The following SLC9A9 variants were observed in gnomAD, a reference collection of about 807,000 sequenced individuals.
SLC9A9 encodes sodium/hydrogen exchanger 9.
In SLC9A9, 62 loss-of-function variants were observed where a neutral mutation model predicts 77.8. The observed-to-expected ratio is 0.80, with a 90% confidence interval of 0.65 to 0.98. SLC9A9 has a LOEUF of 0.98. Among genes scored for constraint, SLC9A9 ranks in the 50% least tolerant of loss-of-function variants. SLC9A9 has a pLI of 0.00. For missense variants in SLC9A9, 775 were observed against 774.9 expected (o/e 1.00, Z 0.00); for synonymous variants, 320 against 283.5 (o/e 1.13, Z -1.29).
intron 13 of SLC9A9, among the ~76,000 whole-genome samples, chr3:143,363,851 C>T (rs1463235566): frequency 1.3e-5 from 2 of 151,816 alleles, no homozygotes; most frequent in Non-Finnish European, 2.9e-5. Flanking sequence ...ACATTTCTGC[C>T]ATAGTGCTGT....
intron 12 of SLC9A9, among the ~76,000 whole-genome samples, chr3:143,431,863 T>G (rs1282368166): frequency 6.6e-6 from 1 of 152,168 alleles, no homozygotes; most frequent in Admixed American, 6.5e-5. Context: ...CCACTTGATG[T>G]TCCTCCAATT....
intron 8 of SLC9A9, among the ~76,000 whole-genome samples, chr3:143,566,005 G>A (rs1353517414): frequency 6.6e-6 from 1 of 152,076 alleles, no homozygotes; most frequent in African/African-American, 2.4e-5. Flanking sequence ...ATTCACCTCT[G>A]AGCTAAAAGC....
chr3:143,279,682 A>G (rs768091290), intron 14 of SLC9A9, among the ~76,000 whole-genome samples: 11 of 151,858 alleles, frequency 7.2e-5, no homozygotes, highest in Non-Finnish European at 1.5e-4. Context: ...TTCTGTTCCT[A>G]TGTTAGTTTG....
Position 143,467,107 on chromosome 3 carries a change from G to A in SLC9A9, c.1399C>T (p.Leu467Phe), listed in dbSNP as rs1178214592. Residue 467 changes from leucine (L) to phenylalanine (F), a missense_variant, in exon 12 of 16, where the codon CTC becomes TTC. By Grantham distance (22) the Leu-to-Phe change is conservative. Coordinates refer to ENST00000316549, the MANE Select transcript of SLC9A9 (RefSeq NM_173653.4). Reference sequence around the variant, plus strand: ...ACCCAGACAGTGAAGAACACGAGGAGCAGCGTAGTGGTAAACATCATTTGT... The same window carrying A: ...ACCCAGACAGTGAAGAACACGAGGAACAGCGTAGTGGTAAACATCATTTGT... The part of the protein sequence containing the change: ...PKQMMFTTTL[L>F]LVFFTVWVFG... 1 of 1,614,040 alleles carries A rather than the reference G, an allele frequency of 6.2e-7. No individual in the cohort carries two copies. The highest frequency in any genetic ancestry group is 1.3e-5 in the African/African-American group (1 of 74,946).
At chr3:143,722,270 G>A (rs1207246881) in intron 4 of SLC9A9, among the ~76,000 whole-genome samples, 15 of 152,080 alleles carry the variant, frequency 9.9e-5, no homozygotes, top group Middle Eastern at 3.4e-3. Flanking sequence ...TCAGGAGATC[G>A]AGACCATCCT....
intron 4 of SLC9A9, among the ~76,000 whole-genome samples, chr3:143,728,502 G>C (rs2108808077): frequency 6.6e-6 from 1 of 152,298 alleles, no homozygotes; most frequent in South Asian, 2.1e-4. Context: ...GATCAGCACG[G>C]AGAGGAAGGC....
At chr3:143,511,693 C>T (rs1193018554) in intron 9 of SLC9A9, among the ~76,000 whole-genome samples, 1 of 152,160 alleles carries the variant, frequency 6.6e-6, no homozygotes, top group African/African-American at 2.4e-5. Context: ...GGGGGTATGA[C>T]GTAGTCTGTG....
At chr3:143,550,600 C>A (rs547306128) in intron 9 of SLC9A9, among the ~76,000 whole-genome samples, 4 of 152,270 alleles carry the variant, frequency 2.6e-5, no homozygotes, top group Admixed American at 2.0e-4. Context: ...GCAAAGCCCA[C>A]CAGTCAAGCC....
rs529381132 is a variant in SLC9A9 at position 143,641,931 on chromosome 3, A to G, written c.755+10324T>C. On this transcript the variant is annotated intron_variant, in intron 6 of 15. Transcript: ENST00000316549. ...CCCGCCACTCCCATTAACTATCATC[A>G]CTATTATTGTCATAGTCATGCCTTA... is the stretch of plus-strand genomic sequence containing the variant. Among the ~76,000 whole-genome samples, 6 of 152,262 alleles carry G rather than the reference A, an allele frequency of 3.9e-5. No homozygotes were observed. In the East Asian group the frequency reaches 1.2e-3, roughly 29 times the overall value.
At chr3:143,496,433 T>C (rs2035834138) in intron 9 of SLC9A9, among the ~76,000 whole-genome samples, 1 of 152,256 alleles carries the variant, frequency 6.6e-6, no homozygotes, top group African/African-American at 2.4e-5. Flanking sequence ...TAAGGACTCA[T>C]TATTTTTTCA....
intron 14 of SLC9A9, among the ~76,000 whole-genome samples, chr3:143,310,528 CAA>C (rs397754793): frequency 3.0e-4 from 34 of 115,142 alleles, no homozygotes; most frequent in Admixed American, 4.2e-4. Flanking sequence ...AGTCTTCTAT[CAA>C]AAAAAAAAAA....
chr3:143,566,976 G>A (rs6781705), intron 8 of SLC9A9, among the ~76,000 whole-genome samples: 99,350 of 152,004 alleles, frequency 0.65, 33,227 homozygotes, highest in African/African-American at 0.8. Context: ...CAATTCCATT[G>A]GAGATATGCT....
At chr3:143,829,133 T>C (rs994381144) in intron 2 of SLC9A9, among the ~76,000 whole-genome samples, 1 of 152,186 alleles carries the variant, frequency 6.6e-6, no homozygotes, top group Non-Finnish European at 1.5e-5. Flanking sequence ...TGAGGTTCAA[T>C]TTAATGAGGT....
At chr3:143,823,848 T>C (rs947595136) in intron 2 of SLC9A9, among the ~76,000 whole-genome samples, 4 of 152,086 alleles carry the variant, frequency 2.6e-5, no homozygotes. Flanking sequence ...AAGGATGATT[T>C]TGGTGTGCAA....
intron 6 of SLC9A9, among the ~76,000 whole-genome samples, chr3:143,617,525 T>G (rs543647264): frequency 5.9e-5 from 9 of 152,364 alleles, no homozygotes; most frequent in African/African-American, 1.9e-4. Flanking sequence ...GTCTTTTCAT[T>G]TATTAGTTTA....
chr3:143,507,112 TC>T (rs35273688), intron 9 of SLC9A9, among the ~76,000 whole-genome samples: 31,489 of 151,808 alleles, frequency 0.21, 3,549 homozygotes, highest in Middle Eastern at 0.33. Flanking sequence ...AATTTTAGGT[TC>T]ATAGCAAAAT....
At chr3:143,476,628 T>C (rs2035482735) in intron 11 of SLC9A9, among the ~76,000 whole-genome samples, 2 of 152,230 alleles carry the variant, frequency 1.3e-5, no homozygotes, top group South Asian at 4.1e-4. Flanking sequence ...AAGGCTAACA[T>C]AGATCGGAAG....
chr3:143,594,563 T>C (rs2037720671), intron 6 of SLC9A9, among the ~76,000 whole-genome samples: 1 of 152,174 alleles, frequency 6.6e-6, no homozygotes, highest in South Asian at 2.1e-4. Flanking sequence ...CAAGCTCTTC[T>C]GCATTTTGAT....
chr3:143,836,608 A>G (rs1211530466), intron 1 of SLC9A9, among the ~76,000 whole-genome samples: 1 of 152,204 alleles, frequency 6.6e-6, no homozygotes, highest in Non-Finnish European at 1.5e-5. Flanking sequence ...GAGAAGAAAG[A>G]AGAGAGGGGA....
Sources: allele counts gnomAD v4.1 joint callset (sites outside exome capture counted in the v4.1 genomes callset), GRCh38; gene constraint gnomAD v4.1.1; transcripts MANE v1.5; gene names NCBI Gene and HGNC (gene_info 2026-07-23, HGNC 2026-07-21).